EBF4: variants seen among roughly 807,000 people sequenced by gnomAD.
The protein encoded by EBF4 is EBF transcription factor 4.
In EBF4, 34 loss-of-function variants were observed where a neutral mutation model predicts 67.1. The observed-to-expected ratio is 0.51, with a 90% confidence interval of 0.39 to 0.67. The LOEUF (loss-of-function observed/expected upper bound fraction) is 0.67, where lower values mean the gene tolerates loss of function less well. Among genes scored for constraint, EBF4 ranks in the 30% least tolerant of loss-of-function variants. EBF4 has a pLI of 0.00. For synonymous variants in EBF4, 387 were observed against 377.7 expected (o/e 1.02, Z -0.29); for missense variants, 837 against 873.3 (o/e 0.96, Z 0.52).
At chr20:2,731,148 C>T (rs558834275) in intron 6 of EBF4, among the ~76,000 whole-genome samples, 6 of 152,336 alleles carry the variant, frequency 3.9e-5, no homozygotes, top group Admixed American at 2.6e-4. Context: ...CCGCCCGCCT[C>T]AGCCTCCCAA....
At chr20:2,722,916 G>A (rs1339422110) in intron 6 of EBF4, among the ~76,000 whole-genome samples, 1 of 152,118 alleles carries the variant, frequency 6.6e-6, no homozygotes, top group Non-Finnish European at 1.5e-5. Flanking sequence ...ACCTAATCGT[G>A]TGTCTTATTG....
intron 6 of EBF4, among the ~76,000 whole-genome samples, chr20:2,746,223 C>T (rs58941062): frequency 0.17 from 26,313 of 151,998 alleles, 2,852 homozygotes; most frequent in African/African-American, 0.31. Context: ...ATGGAGTGCG[C>T]CCACTGTGCA....
At position 2,708,005 on chromosome 20, in the gene EBF4, A is replaced by G. The variant is rs1255289257; in HGVS notation, c.473A>G (p.His158Arg). Residue 158 changes from histidine (H) to arginine (R), a missense_variant, in exon 5 of 17, where the codon CAT becomes CGT. Physicochemically the swap from His to Arg is conservative, Grantham distance 29 (BLOSUM62 0). This residue lies in a region of EBF4 where 226 missense variants were observed against 306.5 expected (regional missense o/e 0.74). Coordinates refer to ENST00000609451, the Ensembl canonical transcript of EBF4. The stretch of plus-strand genomic sequence containing the variant: ...GAAATGTGCCGAGTGCTGCTCACCC[A>G]TGAGATCATGTGCAGGTGAGATGGC... 6 of 1,608,958 alleles carry G rather than the reference A, an allele frequency of 3.7e-6. No individual in the cohort carries two copies. The Admixed American group carries it at 5.1e-5, about 14-fold the overall frequency.
intron 6 of EBF4, among the ~76,000 whole-genome samples, chr20:2,734,628 G>C (rs1005784643): frequency 6.6e-6 from 1 of 152,114 alleles, no homozygotes; most frequent in Non-Finnish European, 1.5e-5. Flanking sequence ...TGCTATTGCT[G>C]TTTGTTTGTT....
At chr20:2,742,714 C>A (rs192733718) in intron 6 of EBF4, among the ~76,000 whole-genome samples, 18 of 152,250 alleles carry the variant, frequency 1.2e-4, no homozygotes, top group Non-Finnish European at 5.9e-5. Context: ...CTGCCCCCAT[C>A]CTGGTCAGGA....
At position 2,756,042 on chromosome 20, in the gene EBF4, A is replaced by G. The variant is rs2088238672; in HGVS notation, c.1738+218A>G. Among the ~76,000 whole-genome samples, 1 of 152,112 alleles carries G rather than the reference A, an allele frequency of 6.6e-6. No individual in the cohort carries two copies. The highest frequency in any genetic ancestry group is 2.1e-4 in the South Asian group (1 of 4,826). The stretch of plus-strand genomic sequence containing the variant: ...CAGCCTGGGATGGTCACCATTCTGG[A>G]TGCTCTCAGTTGACCACTTGGCCAA... On this transcript the variant is annotated intron_variant, in intron 15 of 16. Transcript: ENST00000609451. This position sits in a 1 kb window ranked among gnomAD's most constrained non-coding sequence, Gnocchi z 4.5.
At chr20:2,743,088 G>T (rs537322134) in intron 6 of EBF4, among the ~76,000 whole-genome samples, 5 of 152,264 alleles carry the variant, frequency 3.3e-5, no homozygotes, top group African/African-American at 1.2e-4. Context: ...TCTGGCCTCT[G>T]TGCAGACATG....
chr20:2,706,848 C>T (rs889205655), intron 4 of EBF4, among the ~76,000 whole-genome samples: 1 of 152,202 alleles, frequency 6.6e-6, no homozygotes, highest in South Asian at 2.1e-4. Flanking sequence ...GGGATGTGGG[C>T]ACAGCCCTGG....
chr20:2,701,241 G>A (rs938196801), intron 1 of EBF4, among the ~76,000 whole-genome samples: 49 of 152,224 alleles, frequency 3.2e-4, no homozygotes, highest in South Asian at 2.1e-4. Flanking sequence ...GGGCTGCCTC[G>A]GGGCAGTGGA....
At chr20:2,752,826 C>T (rs2088178065) in intron 14 of EBF4, among the ~76,000 whole-genome samples, 2 of 152,240 alleles carry the variant, frequency 1.3e-5, no homozygotes, top group Admixed American at 6.5e-5. Context: ...TCTAGGCCTC[C>T]GGTCCCCCTG....
chr20:2,758,616 C>T (rs6138886), intron 15 of EBF4, among the ~76,000 whole-genome samples: 19,357 of 152,106 alleles, frequency 0.13, 1,420 homozygotes, highest in East Asian at 0.21. Flanking sequence ...CATGGCCATG[C>T]GCTTGAGGAA....
chr20:2,710,809 A>C (rs575295582), intron 6 of EBF4, among the ~76,000 whole-genome samples: 1 of 152,232 alleles, frequency 6.6e-6, no homozygotes, highest in South Asian at 2.1e-4. Context: ...CAAAATAGTT[A>C]TATGTTCTTT....
chr20:2,753,851 G>A (rs1443761851), intron 14 of EBF4, among the ~76,000 whole-genome samples: 4 of 152,172 alleles, frequency 2.6e-5, no homozygotes, highest in African/African-American at 4.8e-5. Flanking sequence ...TGGCCTTCTG[G>A]TGTCCCTCCC....
chr20:2,710,877 C>T (rs892065514), intron 6 of EBF4, among the ~76,000 whole-genome samples: 14 of 152,282 alleles, frequency 9.2e-5, no homozygotes, highest in Admixed American at 4.6e-4. Flanking sequence ...TGCAGTGGCT[C>T]ATGCCTGTAA....
chr20:2,705,483 A>G (rs777897169), intron 1 of EBF4, 94 bp from the exon 2 acceptor site: 68 of 1,521,296 alleles, frequency 4.5e-5, no homozygotes, highest in Non-Finnish European at 5.7e-5. Flanking sequence ...TCTTGGAGCC[A>G]TGTCCTGGCT....
chr20:2,744,147 C>A (rs1344812034), intron 6 of EBF4, among the ~76,000 whole-genome samples: 1 of 150,158 alleles, frequency 6.7e-6, no homozygotes, highest in South Asian at 2.1e-4. Flanking sequence ...ATGGCGTGAT[C>A]TCAGCTCACT....
intron 1 of EBF4, among the ~76,000 whole-genome samples, chr20:2,701,883 G>A (rs966670656): frequency 1.3e-5 from 2 of 152,192 alleles, no homozygotes; most frequent in African/African-American, 4.8e-5. Context: ...GCTGGTCCTG[G>A]GAGCAGGAGG....
rs753727628 is a variant in EBF4 at position 2,707,932 on chromosome 20, C to T, written c.415-15C>T. Reference sequence around the variant, plus strand: ...GCCTCCTTCCCCTCCAGCCTGTGCACCTCCCTCTCCCCAGGCCATCATCTA... The same window carrying T: ...GCCTCCTTCCCCTCCAGCCTGTGCATCTCCCTCTCCCCAGGCCATCATCTA... On this transcript the variant is annotated splice_polypyrimidine_tract_variant and intron_variant, in intron 4 of 16. Coordinates refer to ENST00000609451, the Ensembl canonical transcript of EBF4. This position sits in a 1 kb window ranked among gnomAD's most constrained non-coding sequence, Gnocchi z 4.6. The T allele has an allele frequency of 7.0e-6, 11 of 1,581,864 alleles. No homozygotes were observed. Among genetic ancestry groups the T allele is most frequent in the South Asian group, 3.4e-5 (3 of 87,206 alleles).
chr20:2,731,393 G>A (rs2087811410), intron 6 of EBF4, among the ~76,000 whole-genome samples: 3 of 152,150 alleles, frequency 2.0e-5, no homozygotes, highest in Non-Finnish European at 4.4e-5. Flanking sequence ...ACCCTCATCT[G>A]TATAGCCCAA....
Sources: gnomAD v4.1 joint callset for allele counts (sites outside exome capture counted in the v4.1 genomes callset) on GRCh38, gnomAD v4.1.1 for gene constraint, gnomAD v4.1.1 regional missense constraint, Gnocchi (gnomAD v3.1) non-coding constraint, MANE v1.5 for transcripts, NCBI Gene and HGNC (gene_info 2026-07-23, HGNC 2026-07-21) for gene names.